Variants in GFI1B observed in about 807,000 individuals in gnomAD.
GFI1B encodes zinc finger protein Gfi-1b.
A neutral mutation model predicts 35.3 loss-of-function variants in GFI1B; 20 were observed. The ratio of observed to expected loss-of-function variants is 0.57; its 90% CI spans 0.40 to 0.82. GFI1B has a LOEUF of 0.82. GFI1B is among the 40% of genes least tolerant of loss of function. The probability of loss-of-function intolerance (pLI) is 0.00; values close to 1 mark genes in which losing one functional copy is unlikely to be tolerated. For missense variants in GFI1B, 430 were observed against 446.3 expected (o/e 0.96, Z 0.33); for synonymous variants, 178 against 177.6 (o/e 1.00, Z -0.02).
At position 132,972,911 on chromosome 9, in the gene GFI1B, G is replaced by A. The variant is rs142449768; in HGVS notation, c.-679+165G>A. Among the ~76,000 whole-genome samples the A allele has an allele frequency of 4.7e-3, 719 of 152,308 alleles. 8 individuals are homozygous for A. The highest frequency in any genetic ancestry group is 0.016 in the African/African-American group (655 of 41,562). ...TCGACTGCCTGCAGCCCCCGGTAAG[G>A]AGCCTGGACCTGGAAAGAGGTCCGT... On this transcript the variant is annotated intron_variant, in intron 2 of 10. Coordinates refer to the GFI1B transcript ENST00000339463.
upstream of GFI1B, among the ~76,000 whole-genome samples, chr9:132,978,044 G>A (rs946637549): frequency 6.8e-6 from 1 of 146,528 alleles, no homozygotes; most frequent in Non-Finnish European, 1.5e-5. Context: ...GCCGGCTCGG[G>A]TACTAGGGGC....
At chr9:132,969,645 C>A (rs1375529060) in intron 1 of GFI1B, among the ~76,000 whole-genome samples, 2 of 152,156 alleles carry the variant, frequency 1.3e-5, no homozygotes, top group African/African-American at 2.4e-5. Flanking sequence ...TGGGTCTATA[C>A]CCGTGCGTGG....
At chr9:132,973,266 T>C (rs1360575362) in intron 2 of GFI1B, among the ~76,000 whole-genome samples, 1 of 152,078 alleles carries the variant, frequency 6.6e-6, no homozygotes, top group Non-Finnish European at 1.5e-5. Flanking sequence ...GCACAGAACA[T>C]TCACCCCCAA....
downstream of GFI1B, among the ~76,000 whole-genome samples, chr9:132,992,206 G>A (rs982981996): frequency 1.3e-5 from 2 of 152,134 alleles, no homozygotes; most frequent in Non-Finnish European, 2.9e-5. Context: ...CTCCATCTCT[G>A]TCTTCTGCTT....
At chr9:132,990,237 G>A (rs190612273) in intron 6 of GFI1B, among the ~76,000 whole-genome samples, 2 of 149,928 alleles carry the variant, frequency 1.3e-5, no homozygotes, top group African/African-American at 5.0e-5. Flanking sequence ...TCACACATTC[G>A]CTCACTCATT....
chr9:132,947,415 A>C (rs1208327659), intron 1 of GFI1B, among the ~76,000 whole-genome samples: 1 of 129,294 alleles, frequency 7.7e-6, no homozygotes, highest in Non-Finnish European at 1.7e-5. Context: ...AATCGAGCAA[A>C]AAAAAAAAAA....
chr9:132,990,101 C>T (rs1438490493), intron 6 of GFI1B, among the ~76,000 whole-genome samples, 194 bp downstream of exon 6: 2 of 152,274 alleles, frequency 1.3e-5, no homozygotes, highest in African/African-American at 4.8e-5. Flanking sequence ...AGGGAGGAAA[C>T]AGCAAAATCT....
rs769724850 is a variant in GFI1B, at chr9:132,989,242, T to C, written c.648+44T>C. 4.4e-6 allele frequency: 7 copies of C among 1,586,110 alleles called. No individual in the cohort carries two copies. Among genetic ancestry groups the C allele is most frequent in the Non-Finnish European group, 6.0e-6 (7 of 1,162,226 alleles). Reference sequence around the variant, plus strand: ...GCAGGACTCCCAGCCCCACTCCTTCTCTGTGCTTCCCCAGGGAGCCTGGGG... The same window carrying C: ...GCAGGACTCCCAGCCCCACTCCTTCCCTGTGCTTCCCCAGGGAGCCTGGGG... On this transcript the variant is annotated intron_variant, in intron 5 of 6. Transcript: ENST00000372122. This position sits in a 1 kb window ranked among gnomAD's most constrained non-coding sequence, Gnocchi z 6.2.
chr9:132,952,224 A>G (rs1848212658), intron 1 of GFI1B: 1 of 151,776 alleles, frequency 6.6e-6, no homozygotes, highest in Non-Finnish European at 1.5e-5. Context: ...TGAACTCTCT[A>G]ATTTTACTAG....
At chr9:132,987,168 G>A (rs998982081) in intron 2 of GFI1B, 114 bp from the exon 3 acceptor site, 3 of 1,158,952 alleles carry the variant, frequency 2.6e-6, no homozygotes, top group Non-Finnish European at 2.5e-6. Context: ...AGAAGCAGCG[G>A]CACGTGGCTG....
rs756928539 is a variant in GFI1B, at chr9:132,987,236, C to A, written c.101-46C>A. ...TGCCCTCCTTGCTCCCTCTGGGCTT[C>A]CCAGAAACCGTGGCTATTGATGCTG... On this transcript the variant is annotated intron_variant, in intron 2 of 6. Transcript: ENST00000372122. 5 of 1,602,428 alleles carry A rather than the reference C, an allele frequency of 3.1e-6. No individual in the cohort carries two copies. The Admixed American group carries it at 8.6e-5, about 28-fold the overall frequency.
At chr9:132,965,098 T>C (rs542507448) in intron 1 of GFI1B, among the ~76,000 whole-genome samples, 2 of 152,350 alleles carry the variant, frequency 1.3e-5, no homozygotes, top group South Asian at 2.1e-4. Flanking sequence ...TCTTTCTCTC[T>C]GTTTGTTGTT....
chr9:132,963,899 A>G (rs1156455837), intron 1 of GFI1B: 1 of 152,216 alleles, frequency 6.6e-6, no homozygotes, highest in African/African-American at 2.4e-5. Context: ...CAAGATTTCC[A>G]ATGTAAGAGA....
At chr9:132,960,601 G>A (rs1393147487) in intron 1 of GFI1B, among the ~76,000 whole-genome samples, 1 of 151,954 alleles carries the variant, frequency 6.6e-6, no homozygotes, top group African/African-American at 2.4e-5. Flanking sequence ...GGCTCAAGTG[G>A]TCCTCCCAAC....
Position 132,954,907 on chromosome 9 carries a change from C to T in GFI1B, c.-701+9238C>T, listed in dbSNP as rs142534608. Among the ~76,000 whole-genome samples, 806 of 152,076 alleles carry T rather than the reference C, an allele frequency of 5.3e-3. 18 individuals carry two copies. Among genetic ancestry groups the T allele is most frequent in the Non-Finnish European group, 2.8e-3 (190 of 67,982 alleles). The stretch of plus-strand genomic sequence containing the variant: ...CTAATTTTTTTATTTTTAGTAGAGA[C>T]GGAGTTTCACTATGTTGGCCAGGAT... On this transcript the variant is annotated intron_variant, in intron 1 of 10. Transcript: ENST00000339463.
chr9:132,981,128 C>G (rs190731676), intron 1 of GFI1B, among the ~76,000 whole-genome samples: 1 of 152,176 alleles, frequency 6.6e-6, no homozygotes, highest in East Asian at 1.9e-4. Flanking sequence ...AACTCCTGAC[C>G]TCAGGTGATC....
chr9:132,967,981 C>T (rs1409730148), intron 1 of GFI1B, among the ~76,000 whole-genome samples: 1 of 152,120 alleles, frequency 6.6e-6, no homozygotes, highest in Non-Finnish European at 1.5e-5. Context: ...GGGGTTTCAC[C>T]ATGTTGGCCA....
chr9:132,977,684 G>C (rs943287582), upstream of GFI1B, among the ~76,000 whole-genome samples: 41 of 152,240 alleles, frequency 2.7e-4, no homozygotes, highest in Admixed American at 2.0e-4. Context: ...GGGAGAAGGT[G>C]GGGAGCCAGG....
chr9:132,993,323 A>T (rs981727037), downstream of GFI1B, among the ~76,000 whole-genome samples: 7 of 152,046 alleles, frequency 4.6e-5, no homozygotes, highest in Non-Finnish European at 1.0e-4. Context: ...AAACATAGAT[A>T]CTAGGGCTTA....
Sources: allele counts gnomAD v4.1 joint callset (sites outside exome capture counted in the v4.1 genomes callset), GRCh38; gene constraint gnomAD v4.1.1; non-coding constraint Gnocchi (gnomAD v3.1); transcripts MANE v1.5; gene names NCBI Gene and HGNC (gene_info 2026-07-23, HGNC 2026-07-21).